The following RAD23B variants were observed in gnomAD, a reference collection of about 807,000 sequenced individuals.
The protein encoded by RAD23B is RAD23 nucleotide excision repair protein B.
A neutral mutation model predicts 49.1 loss-of-function variants in RAD23B; 5 were observed. The observed-to-expected ratio is 0.10, with a 90% CI of 0.05 to 0.21. RAD23B has a LOEUF of 0.21. Ranked by LOEUF, RAD23B falls within the 10% of genes least tolerant of loss-of-function variation. The pLI, the probability that RAD23B is intolerant of heterozygous loss-of-function variation, is 1.00. For missense variants in RAD23B, 356 were observed against 486.7 expected (o/e 0.73, Z 2.53); for synonymous variants, 184 against 165.4 (o/e 1.11, Z -0.86).
chr9:107,332,010 C>T lies in RAD23B; in HGVS notation c.*2354C>T, dbSNP rs1427539507. ...CTGTCATTTCTTGAAATCTTTTTCT[C>T]GTTTAGTTGCTCTGTGGGAAATGTG... On this transcript the variant is annotated 3_prime_UTR_variant, in exon 10 of 10. Coordinates refer to ENST00000358015, the MANE Select transcript of RAD23B (RefSeq NM_002874.5). The T allele has an allele frequency of 2.7e-6, 1 of 373,908 alleles. No homozygotes were observed. Among genetic ancestry groups the T allele is most frequent in the Non-Finnish European group, 4.7e-6 (1 of 211,418 alleles). The allele number at this position is 373,908 out of a possible 1,614,324, so 23.2% of individuals were successfully genotyped here. A position where few individuals can be genotyped will look rare whatever the true frequency, so the allele number is the denominator to read the frequency against.
chr9:107,287,788 C>T lies in RAD23B; in HGVS notation c.66+4093C>T, dbSNP rs145598387. ...GGAGGAGGTTGCAGTGAGCTGAGAT[C>T]GCACCATTGCACTCCAGCCTGGGTA... On this transcript the variant is annotated intron_variant, in intron 1 of 9. Coordinates refer to ENST00000358015, the MANE Select transcript of RAD23B (RefSeq NM_002874.5). Among the ~76,000 whole-genome samples, 1,117 of 146,690 alleles carry T rather than the reference C, an allele frequency of 7.6e-3. 57 individuals are homozygous for T. Among genetic ancestry groups the T allele is most frequent in the Admixed American group, 0.066 (954 of 14,520 alleles).
chr9:107,319,853 T>C (rs1827074554), intron 6 of RAD23B, among the ~76,000 whole-genome samples: 1 of 152,214 alleles, frequency 6.6e-6, no homozygotes, highest in African/African-American at 2.4e-5. Flanking sequence ...GTTTTACAGA[T>C]GTGACACAGG....
intron 5 of RAD23B, among the ~76,000 whole-genome samples, chr9:107,313,544 CCTGA>C (rs1167373079): frequency 3.3e-5 from 5 of 152,200 alleles, no homozygotes; most frequent in East Asian, 1.9e-4. Context: ...TTTTATTTTA[CCTGA>C]CTATTAAATG....
chr9:107,283,802 G>GCGATGAGGGCC, intron 1 of RAD23B, 107 bp downstream of exon 1: 1 of 1,069,698 alleles, frequency 9.3e-7, no homozygotes, highest in Non-Finnish European at 1.2e-6. Flanking sequence ...CCCGGAGGGC[G>GCGATGAGGGCC]CGATGAGGGC....
intron 1 of RAD23B, among the ~76,000 whole-genome samples, chr9:107,297,222 A>G (rs1321633714): frequency 2.0e-5 from 3 of 151,000 alleles, no homozygotes; most frequent in Non-Finnish European, 3.0e-5. Context: ...TAGCCTGTTA[A>G]TTTTTCTTCT....
intron 5 of RAD23B, among the ~76,000 whole-genome samples, chr9:107,317,170 CAA>C (rs750659620): frequency 2.0e-5 from 3 of 151,966 alleles, no homozygotes; most frequent in Admixed American, 6.5e-5. Flanking sequence ...GATATGGAGA[CAA>C]GAGTTGGAAA....
chr9:107,317,440 A>T (rs1827019378), intron 5 of RAD23B, among the ~76,000 whole-genome samples: 1 of 152,048 alleles, frequency 6.6e-6, no homozygotes, highest in South Asian at 2.1e-4. Context: ...TCTGAATTGC[A>T]ATTAGTTGAG....
At chr9:107,285,049 A>G in intron 1 of RAD23B, 8 of 968,568 alleles carry the variant, frequency 8.3e-6, no homozygotes, top group Non-Finnish European at 1.1e-5. Flanking sequence ...TTTAAGAAAC[A>G]GCCTTTTTGG....
At chr9:107,319,128 C>CTTTTTTTTTTTTTTTTTTT (rs56891354) in intron 6 of RAD23B, among the ~76,000 whole-genome samples, 1 of 97,790 alleles carries the variant, frequency 1.0e-5, no homozygotes, top group Non-Finnish European at 1.9e-5. Flanking sequence ...TTTCTTTTTT[C>CTTTTTTTTTTTTTTTTTTT]TTTTTTTTTT....
At chr9:107,302,719 T>C (rs1826681749) in intron 3 of RAD23B, among the ~76,000 whole-genome samples, 1 of 151,116 alleles carries the variant, frequency 6.6e-6, no homozygotes, top group East Asian at 2.0e-4. Flanking sequence ...GCAGTGACGC[T>C]GTCTTGGCTC....
At chr9:107,316,389 A>G (rs1826997041) in intron 5 of RAD23B, among the ~76,000 whole-genome samples, 1 of 152,222 alleles carries the variant, frequency 6.6e-6, no homozygotes, top group Non-Finnish European at 1.5e-5. Context: ...CTTATGAAGT[A>G]GTGAGAGAGA....
rs999943270 is a variant in RAD23B, at chr9:107,312,871, T to C, written c.553+1134T>C. ...AGGCTCTGGCTGTGGTCACTGCTGC[T>C]GCAGCTGGAATGCATTGATGCTCCT... On this transcript the variant is annotated intron_variant, in intron 5 of 9. Transcript: ENST00000358015. Among the ~76,000 whole-genome samples, 88 of 152,262 alleles carry C rather than the reference T, an allele frequency of 5.8e-4. 1 individual carries two copies. The highest frequency in any genetic ancestry group is 2.0e-3 in the African/African-American group (85 of 41,562).
At chr9:107,327,877 G>A (rs761602499) in intron 9 of RAD23B, among the ~76,000 whole-genome samples, 19 of 152,022 alleles carry the variant, frequency 1.2e-4, no homozygotes, top group Non-Finnish European at 2.9e-5. Flanking sequence ...TTTATTTTAT[G>A]TATTTTGTGG....
At position 107,331,445 on chromosome 9, in the gene RAD23B, G is replaced by A. The variant is rs1587868818; in HGVS notation, c.*1789G>A. On this transcript the variant is annotated 3_prime_UTR_variant, in exon 10 of 10. Transcript: ENST00000358015. ...TTGAACCCGGGAAGTGAAGGTTGCC[G>A]TGAGCTGAGATCACACCACTGCCAT... is the stretch of plus-strand genomic sequence containing the variant. The A allele has an allele frequency of 1.2e-5, 5 of 424,146 alleles. No homozygotes were observed. The Admixed American group carries it at 1.2e-4, about 10-fold the overall frequency. The allele number at this position is 424,146 out of a possible 1,614,324, so 26.3% of individuals were successfully genotyped here.
chr9:107,306,887 G>C (rs1670717154), intron 4 of RAD23B, among the ~76,000 whole-genome samples: 1 of 144,916 alleles, frequency 6.9e-6, no homozygotes, highest in Admixed American at 7.2e-5. Flanking sequence ...GGGGGCAGTG[G>C]AAAGGAGAAA....
rs1419014150 is a variant in RAD23B, at chr9:107,318,706, T to A, written c.554-46T>A. 4.5e-6 allele frequency: 7 copies of A among 1,563,786 alleles called. No homozygotes were observed. Among genetic ancestry groups the A allele is most frequent in the Middle Eastern group, 1.7e-4 (1 of 5,826 alleles). On this transcript the variant is annotated intron_variant, in intron 5 of 9. Coordinates refer to ENST00000358015, the MANE Select transcript of RAD23B (RefSeq NM_002874.5). This position sits in a 1 kb window ranked among gnomAD's most constrained non-coding sequence, Gnocchi z 4.3. The stretch of plus-strand genomic sequence containing the variant: ...AATCAATAAATGTATAGAGAATGCT[T>A]ATTTATTAAATGTTCCTTTTTTTCC...
At chr9:107,313,554 A>C (rs1444904792) in intron 5 of RAD23B, among the ~76,000 whole-genome samples, 1 of 152,118 alleles carries the variant, frequency 6.6e-6, no homozygotes, top group African/African-American at 2.4e-5. Flanking sequence ...CCTGACTATT[A>C]AATGTATGAG....
chr9:107,302,241 G>A lies in RAD23B; in HGVS notation c.228+127G>A, dbSNP rs11573666. The A allele has an allele frequency of 7.4e-3, 9,404 of 1,270,756 alleles. 460 individuals are homozygous for A. The African/African-American group carries it at 0.11, about 15-fold the overall frequency. The allele number at this position is 1,270,756 out of a possible 1,614,324, so 78.7% of individuals were successfully genotyped here. On this transcript the variant is annotated intron_variant, in intron 3 of 9. Coordinates refer to ENST00000358015, the MANE Select transcript of RAD23B (RefSeq NM_002874.5). The stretch of plus-strand genomic sequence containing the variant: ...TGGTGTACACTTAACTACTATGAAA[G>A]GTTTTTAAGAATTTACCTTAAGTGA...
intron 4 of RAD23B, among the ~76,000 whole-genome samples, chr9:107,310,293 A>C (rs1826866661): frequency 6.6e-6 from 1 of 152,222 alleles, no homozygotes; most frequent in Non-Finnish European, 1.5e-5. Context: ...GAAACAAAAG[A>C]ATAGTCTTCA....
Sources: allele counts gnomAD v4.1 joint callset (sites outside exome capture counted in the v4.1 genomes callset), GRCh38; gene constraint gnomAD v4.1.1; non-coding constraint Gnocchi (gnomAD v3.1); transcripts MANE v1.5; gene names NCBI Gene and HGNC (gene_info 2026-07-23, HGNC 2026-07-21).